The following AFTPH variants were observed in gnomAD, a reference collection of about 807,000 sequenced individuals.
AFTPH encodes aftiphilin protein.
AFTPH carries 7 observed loss-of-function variants against 72.5 expected under a neutral mutation model. The observed-to-expected ratio is 0.10, with a 90% CI of 0.05 to 0.18. The LOEUF is 0.18. AFTPH is among the 10% of genes least tolerant of loss of function. AFTPH has a pLI of 1.00. For missense variants in AFTPH, 979 were observed against 1,060.5 expected (o/e 0.92, Z 1.07); for synonymous variants, 337 against 370.1 (o/e 0.91, Z 1.03).
Position 64,541,012 on chromosome 2 carries a change from C to T in AFTPH, c.-32-10431C>T, listed in dbSNP as rs543418664. Among the ~76,000 whole-genome samples, 347 of 152,220 alleles carry T rather than the reference C, an allele frequency of 2.3e-3. 1 individual carries two copies. The highest frequency in any genetic ancestry group is 3.5e-3 in the Non-Finnish European group (239 of 67,972). ...CAATCACGTCTAATATTTTAAGACA[C>T]TTATAAAATGTTTGATTAACTTGTG... On this transcript the variant is annotated intron_variant, in intron 1 of 8. Transcript: ENST00000238856.
At position 64,569,685 on chromosome 2, in the gene AFTPH, T is replaced by TA; in HGVS notation, c.2271+7dup. 1 of 1,613,012 alleles carries TA rather than the reference T, an allele frequency of 6.2e-7. No homozygotes were observed. The highest frequency in any genetic ancestry group is 2.2e-5 in the East Asian group (1 of 44,770). ...CCATGTATGCAGCAGGATTGGTAAG[T>TA]ACAAAAATCTCTCTGCATGTATTTA... On this transcript the variant is annotated splice_region_variant and intron_variant, in intron 5 of 8. Transcript: ENST00000238856.
chr2:64,551,951 G>C, exon 2 of AFTPH: 2 of 1,613,548 alleles, frequency 1.2e-6, no homozygotes, highest in African/African-American at 1.3e-5. Flanking sequence ...GAACTAATAT[G>C]AATGTTGTTC....
At chr2:64,531,523 A>G (rs1234208407) in intron 1 of AFTPH, among the ~76,000 whole-genome samples, 1 of 152,242 alleles carries the variant, frequency 6.6e-6, no homozygotes, top group Non-Finnish European at 1.5e-5. Flanking sequence ...AATCTTGCTT[A>G]ATGCCATGCT....
exon 9 of AFTPH, chr2:64,592,148 T>C: frequency 3.5e-6 from 4 of 1,151,510 alleles, no homozygotes; most frequent in Non-Finnish European, 4.8e-6. Flanking sequence ...CAAGTTCAGC[T>C]GATTTGTTGG....
rs1329316213 is a variant in AFTPH, at chr2:64,587,966, G to A, written c.2579+2421G>A. Among the ~76,000 whole-genome samples, 3 of 152,164 alleles carry A rather than the reference G, an allele frequency of 2.0e-5. No individual in the cohort carries two copies. In the East Asian group the frequency reaches 5.8e-4, roughly 29 times the overall value. On this transcript the variant is annotated intron_variant, in intron 8 of 8. Transcript: ENST00000238856. ...ATTCTTTTTTAGGCCTTTTTATTGA[G>A]ATAAAAATTTATAATTCATTCAGGT...
intron 1 of AFTPH, among the ~76,000 whole-genome samples, chr2:64,540,619 C>T (rs773500125): frequency 5.3e-5 from 8 of 152,042 alleles, no homozygotes; most frequent in Non-Finnish European, 1.0e-4. Context: ...GAAAAGTGAA[C>T]GTGTGTTGCA....
At position 64,542,020 on chromosome 2, in the gene AFTPH, A is replaced by G. The variant is rs185740994; in HGVS notation, c.-32-9423A>G. On this transcript the variant is annotated intron_variant, in intron 1 of 8. Transcript: ENST00000238856. ...TCCTTCACCCTCCATCCTGGTCCCT[A>G]TAAAAATAAGTTTAGAGTGAAGCTG... Among the ~76,000 whole-genome samples, 677 of 152,270 alleles carry G rather than the reference A, an allele frequency of 4.4e-3. 8 individuals are homozygous for G. The highest frequency in any genetic ancestry group is 0.015 in the African/African-American group (634 of 41,556).
intron 1 of AFTPH, among the ~76,000 whole-genome samples, chr2:64,540,426 T>A (rs973365117): frequency 9.2e-5 from 14 of 152,144 alleles, no homozygotes; most frequent in African/African-American, 3.1e-4. Context: ...GGTACAACAA[T>A]CTCTAATATT....
intron 8 of AFTPH, among the ~76,000 whole-genome samples, chr2:64,587,049 G>C (rs935439102): frequency 1.3e-5 from 2 of 152,164 alleles, no homozygotes; most frequent in Non-Finnish European, 2.9e-5. Flanking sequence ...TCCCAATGAT[G>C]AGAATTCATT....
rs1673811667 is a variant in AFTPH, at chr2:64,591,325, C to G, written c.2580-560C>G. ...CCAGCAACCAGCCCTAGTGCTGCTG[C>G]TTTTGGACCTGCTGTCTGTATCCCA... On this transcript the variant is annotated intron_variant, in intron 8 of 8. Coordinates refer to ENST00000238856, the Ensembl canonical transcript of AFTPH. Among the ~76,000 whole-genome samples, 4 of 152,228 alleles carry G rather than the reference C, an allele frequency of 2.6e-5. 1 individual carries two copies. Among genetic ancestry groups the G allele is most frequent in the Admixed American group, 1.3e-4 (2 of 15,284 alleles).
At chr2:64,562,138 T>C (rs997443237) in intron 2 of AFTPH, among the ~76,000 whole-genome samples, 1 of 152,182 alleles carries the variant, frequency 6.6e-6, no homozygotes, top group Non-Finnish European at 1.5e-5. Context: ...GGAGTTTCTT[T>C]TAGAAGATTC....
At chr2:64,558,879 C>T (rs1452235405) in intron 2 of AFTPH, among the ~76,000 whole-genome samples, 1 of 152,190 alleles carries the variant, frequency 6.6e-6, no homozygotes, top group Non-Finnish European at 1.5e-5. Flanking sequence ...CACACTCACA[C>T]ACACATACCA....
intron 1 of AFTPH, among the ~76,000 whole-genome samples, chr2:64,534,067 A>T (rs1669763418): frequency 6.6e-6 from 1 of 151,946 alleles, no homozygotes. Context: ...CCACCCTCCC[A>T]AGTGAGGTTT....
chr2:64,575,974 A>G (rs1030208931), intron 6 of AFTPH, among the ~76,000 whole-genome samples: 10 of 151,322 alleles, frequency 6.6e-5, no homozygotes, highest in Admixed American at 5.9e-4. Flanking sequence ...CCTGACCTCA[A>G]GTGATCTGCC....
intron 2 of AFTPH, among the ~76,000 whole-genome samples, chr2:64,556,103 T>A (rs1204975472): frequency 6.6e-6 from 1 of 151,708 alleles, no homozygotes; most frequent in African/African-American, 2.4e-5. Context: ...TTCTCCTGCC[T>A]CAGCCTCCCT....
chr2:64,585,614 T>G, intron 8 of AFTPH, 69 bp downstream of exon 9: 1 of 1,518,386 alleles, frequency 6.6e-7, no homozygotes, highest in Middle Eastern at 1.8e-4. Context: ...GGAAAAAGCA[T>G]GTCAGTTGAC....
At chr2:64,591,545 A>AT (rs1673825992) in intron 8 of AFTPH, among the ~76,000 whole-genome samples, 1 of 152,178 alleles carries the variant, frequency 6.6e-6, no homozygotes, top group Admixed American at 6.5e-5. Flanking sequence ...TCAGATTTAT[A>AT]TTTCTGTTTA....
chr2:64,583,189 G>C (rs1673312641), intron 7 of AFTPH, among the ~76,000 whole-genome samples: 1 of 151,724 alleles, frequency 6.6e-6, no homozygotes, highest in Non-Finnish European at 1.5e-5. Context: ...ACTTGTTTCT[G>C]GGAAAGTCAT....
intron 1 of AFTPH, among the ~76,000 whole-genome samples, chr2:64,528,983 T>C (rs1461498355): frequency 1.3e-5 from 2 of 152,164 alleles, no homozygotes; most frequent in East Asian, 3.9e-4. Flanking sequence ...AGAATTGTGC[T>C]GGTAGAGTTA....
Sources: allele counts gnomAD v4.1 joint callset (sites outside exome capture counted in the v4.1 genomes callset), GRCh38; gene constraint gnomAD v4.1.1; transcripts MANE v1.5; gene names NCBI Gene and HGNC (gene_info 2026-07-23, HGNC 2026-07-21).